The following NUFIP2 variants were observed in gnomAD, a reference collection of about 807,000 sequenced individuals.
The protein encoded by NUFIP2 is FMR1-interacting protein NUFIP2.
Under a neutral mutation model 56.9 loss-of-function variants are expected in NUFIP2, and 6 were observed. That is an observed-to-expected ratio of 0.11 (90% CI 0.06 to 0.21). NUFIP2 has a LOEUF of 0.21. NUFIP2 is among the 10% of genes least tolerant of loss of function. The pLI is 1.00. For missense variants in NUFIP2, 828 were observed against 826.8 expected (o/e 1.00, Z -0.02); for synonymous variants, 321 against 298.2 (o/e 1.08, Z -0.79).
intron 2 of NUFIP2, among the ~76,000 whole-genome samples, chr17:29,274,234 A>G (rs562215239): frequency 1.4e-4 from 21 of 152,344 alleles, no homozygotes; most frequent in Non-Finnish European, 2.6e-4. Flanking sequence ...CTGTAATTGC[A>G]GCACTCTGGG....
Position 29,286,528 on chromosome 17 carries a change from T to C in NUFIP2, c.1466A>G (p.Asp489Gly). 1 of 1,614,166 alleles carries C rather than the reference T, an allele frequency of 6.2e-7. No individual in the cohort carries two copies. The highest frequency in any genetic ancestry group is 8.5e-7 in the Non-Finnish European group (1 of 1,180,030). Residue 489 changes from aspartate (D) to glycine (G), a missense_variant, in exon 2 of 4, where the codon GAT becomes GGT. Coordinates refer to ENST00000225388, the MANE Select transcript of NUFIP2 (RefSeq NM_020772.3). Reference protein sequence around the residue: ...QTMLLSTAQVDLPSQTDQQNL... With the variant: ...QTMLLSTAQVGLPSQTDQQNL... ...TTGCTGATCTGTCTGAGAGGGCAGA[T>C]CCACTTGTGCTGTGCTCAACAGCAT...
At position 29,286,388 on chromosome 17, in the gene NUFIP2, A is replaced by C. The variant is rs762119181; in HGVS notation, c.1606T>G (p.Phe536Val). The change falls in exon 2 of 4, where the codon TTT (phenylalanine) becomes GTT (valine). Residue 536 changes from phenylalanine to valine, a missense_variant. Physicochemically the swap from Phe to Val is conservative, Grantham distance 50. Transcript: ENST00000225388. ...AAAGTAGCAGGATATTCTCCTTGAA[A>C]TGTCACCTCCATCACTTTATGCTCT... Reference protein sequence around the residue: ...SSEHKVMEVTFQGEYPATLVS... With the variant: ...SSEHKVMEVTVQGEYPATLVS... 8 of 1,614,058 alleles carry C rather than the reference A, an allele frequency of 5.0e-6. No individual in the cohort carries two copies. Among genetic ancestry groups the C allele is most frequent in the South Asian group, 4.4e-5 (4 of 91,084 alleles).
rs2069172267 is a variant in NUFIP2 at position 29,286,163 on chromosome 17, C to A, written c.1831G>T (p.Ala611Ser). The A allele has an allele frequency of 6.2e-7, 1 of 1,613,960 alleles. No homozygotes were observed. The highest frequency in any genetic ancestry group is 1.3e-5 in the African/African-American group (1 of 74,896). ...TAGTCCTTTGAGAGAAACACTAAAG[C>A]ACCTTGACTACTGGTGTCTGCTTTC... ...LQKADTSSQG[A>S]LVFLSKDYEI... The change falls in exon 2 of 4, where the codon GCT becomes TCT. Residue 611 changes from alanine (A) to serine (S), a missense_variant. This residue lies in a region of NUFIP2 where 404 missense variants were observed against 380.3 expected (regional missense o/e 1.06). Coordinates refer to ENST00000225388, the MANE Select transcript of NUFIP2 (RefSeq NM_020772.3).
chr17:29,293,012 C>T (rs2069227630), intron 1 of NUFIP2, among the ~76,000 whole-genome samples: 1 of 151,490 alleles, frequency 6.6e-6, no homozygotes, highest in African/African-American at 2.4e-5. Flanking sequence ...CTTCCCCCTC[C>T]GCTCCTCAGT....
chr17:29,272,901 G>A (rs1392747754), intron 2 of NUFIP2, among the ~76,000 whole-genome samples: 1 of 151,268 alleles, frequency 6.6e-6, no homozygotes, highest in African/African-American at 2.4e-5. Flanking sequence ...CCAGGCTGAA[G>A]AGCAGCAGTG....
Position 29,259,725 on chromosome 17 carries a change from A to AT in NUFIP2, c.*4813dup, listed in dbSNP as rs2068991696. The AT allele has an allele frequency of 6.6e-6, 1 of 152,230 alleles. No homozygotes were observed. The highest frequency in any genetic ancestry group is 2.4e-5 in the African/African-American group (1 of 41,464). The allele number at this position is 152,230 out of a possible 1,614,324, so 9.4% of individuals were successfully genotyped here. A position where few individuals can be genotyped will look rare whatever the true frequency, so the allele number is the denominator to read the frequency against. On this transcript the variant is annotated 3_prime_UTR_variant, in exon 4 of 4. Coordinates refer to ENST00000225388, the MANE Select transcript of NUFIP2 (RefSeq NM_020772.3). ...ACGGCCATTCCATAGTTTCTAGCCC[A>AT]TAACTGATTTACCATTCCCAATAAT... is the stretch of plus-strand genomic sequence containing the variant.
chr17:29,269,110 A>C (rs2069056588), intron 2 of NUFIP2, among the ~76,000 whole-genome samples: 1 of 152,220 alleles, frequency 6.6e-6, no homozygotes, highest in Non-Finnish European at 1.5e-5. Context: ...CTTGAAAGGA[A>C]ATATTCTATC....
chr17:29,265,577 C>T (rs1446333762), intron 3 of NUFIP2, among the ~76,000 whole-genome samples: 1 of 148,166 alleles, frequency 6.7e-6, no homozygotes, highest in Admixed American at 6.7e-5. Flanking sequence ...GCTGGGATTA[C>T]AGGCGTGAGC....
At position 29,264,739 on chromosome 17, in the gene NUFIP2, C is replaced by T. The variant is rs1012865476; in HGVS notation, c.2036-148G>A. On this transcript the variant is annotated intron_variant, in intron 3 of 3. Transcript: ENST00000225388. ...AGCCCATTTCCTCCTTGTACCAACA[C>T]ATGTATGATCCAGTTTCTCAACCTG... 9 of 543,292 alleles carry T rather than the reference C, an allele frequency of 1.7e-5. 1 individual carries two copies. Among genetic ancestry groups the T allele is most frequent in the African/African-American group, 1.3e-4 (7 of 52,138 alleles). The allele number at this position is 543,292 out of a possible 1,614,324, so 33.7% of individuals were successfully genotyped here.
chr17:29,265,712 A>T (rs1376081873), intron 3 of NUFIP2, among the ~76,000 whole-genome samples: 2 of 19,330 alleles, frequency 1.0e-4, no homozygotes, highest in Non-Finnish European at 2.0e-4. Context: ...ATACATGCTT[A>T]AAAAAAAAAA....
At chr17:29,269,505 T>A (rs1246423164) in intron 2 of NUFIP2, among the ~76,000 whole-genome samples, 15 of 142,154 alleles carry the variant, frequency 1.1e-4, no homozygotes, top group Non-Finnish European at 2.0e-4. Flanking sequence ...AAAAACCAAA[T>A]TTTTTTTTTT....
chr17:29,293,860 T>C lies in NUFIP2; in HGVS notation c.200A>G (p.Lys67Arg), dbSNP rs764627441. Residue 67 changes from lysine (K) to arginine (R), a missense_variant, in exon 1 of 4, where the codon AAG (lysine) becomes AGG (arginine). Around this residue, in one of 3 missense-constraint regions of NUFIP2, gnomAD observed 415 missense variants for 408.7 expected, o/e 1.02. Transcript: ENST00000225388. ...ATGTTTCAGCGGCTTTGGCTGGGCC[T>C]TGGGGCTGCCCTCGGCTCCATGCTG... ...YLQHGAEGSP[K>R]AQPKPLKHEQ... 3 of 1,613,062 alleles carry C rather than the reference T, an allele frequency of 1.9e-6. No homozygotes were observed.
intron 2 of NUFIP2, among the ~76,000 whole-genome samples, chr17:29,280,333 G>A (rs2069132518): frequency 6.6e-6 from 1 of 152,172 alleles, no homozygotes; most frequent in Non-Finnish European, 1.5e-5. Context: ...AGGATCTAGT[G>A]TTCAAAGCTT....
rs2069022157 is a variant in NUFIP2 at position 29,264,444 on chromosome 17, G to A, written c.*95C>T. ...CTGTGATTCTACTTATGGTTCCTCT[G>A]CTGCGTTGAAGATCTAGGAGCATAA... On this transcript the variant is annotated 3_prime_UTR_variant, in exon 4 of 4. Transcript: ENST00000225388. 6.2e-6 allele frequency: 4 copies of A among 643,532 alleles called. No homozygotes were observed. The highest frequency in any genetic ancestry group is 1.1e-5 in the Non-Finnish European group (4 of 356,758). 39.9% of individuals were successfully genotyped at this position (643,532 alleles called of 1,614,324 possible).
Position 29,286,514 on chromosome 17 carries a change from T to C in NUFIP2, c.1480A>G (p.Thr494Ala), listed in dbSNP as rs774303277. 1 of 1,614,156 alleles carries C rather than the reference T, an allele frequency of 6.2e-7. No individual in the cohort carries two copies. Among genetic ancestry groups the C allele is most frequent in the Admixed American group, 1.7e-5 (1 of 60,014 alleles). ...STAQVDLPSQ[T>A]DQQNLGDIFQ... Reference sequence around the variant, plus strand: ...ATATCCCCCAGGTTTTGCTGATCTGTCTGAGAGGGCAGATCCACTTGTGCT... The same window carrying C: ...ATATCCCCCAGGTTTTGCTGATCTGCCTGAGAGGGCAGATCCACTTGTGCT... Residue 494 changes from threonine to alanine, a missense_variant, in exon 2 of 4, where the codon ACA becomes GCA. By Grantham distance (58) the Thr-to-Ala change is moderately conservative (BLOSUM62 0). Around this residue, in one of 3 missense-constraint regions of NUFIP2, gnomAD observed 404 missense variants for 380.3 expected, o/e 1.06. Coordinates refer to ENST00000225388, the MANE Select transcript of NUFIP2 (RefSeq NM_020772.3).
intron 2 of NUFIP2, among the ~76,000 whole-genome samples, chr17:29,277,874 G>T (rs761778673): frequency 6.6e-6 from 1 of 152,172 alleles, no homozygotes; most frequent in South Asian, 2.1e-4. Flanking sequence ...TTAGCCAAGC[G>T]TGGTGATGCA....
intron 3 of NUFIP2, 143 bp from the exon 4 acceptor site, chr17:29,264,734 C>A (rs145826750): frequency 1.8e-6 from 1 of 556,272 alleles, no homozygotes; most frequent in Non-Finnish European, 3.2e-6. Flanking sequence ...CTCCTTGTAC[C>A]AACACATGTA....
chr17:29,279,834 A>C (rs1381007315), intron 2 of NUFIP2, among the ~76,000 whole-genome samples: 2 of 152,044 alleles, frequency 1.3e-5, no homozygotes, highest in Admixed American at 6.6e-5. Flanking sequence ...TCATTTTTTG[A>C]GGTGAAGTCT....
At chr17:29,290,957 GACTCAGATACTGGA>G (rs2153012933) in intron 1 of NUFIP2, among the ~76,000 whole-genome samples, 1 of 148,590 alleles carries the variant, frequency 6.7e-6, no homozygotes, top group South Asian at 2.1e-4. Context: ...AGTATGTAGC[GACTCAGATACTGGA>G]AATCACCAAA....
Sources: allele counts gnomAD v4.1 joint callset (sites outside exome capture counted in the v4.1 genomes callset), GRCh38; gene constraint gnomAD v4.1.1; regional missense constraint gnomAD v4.1.1; transcripts MANE v1.5; gene names NCBI Gene and HGNC (gene_info 2026-07-23, HGNC 2026-07-21).